Variants in SWT1 observed in about 807,000 individuals in gnomAD.
SWT1 encodes the protein SWT1 RNA endoribonuclease homolog.
A neutral mutation model predicts 107.3 loss-of-function variants in SWT1; 33 were observed. That is an observed-to-expected ratio of 0.31 (90% CI 0.23 to 0.41). The LOEUF is 0.41. Among genes scored for constraint, SWT1 ranks in the 10% least tolerant of loss-of-function variants. SWT1 has a pLI of 1.00. For missense variants in SWT1, 898 were observed against 1,028.9 expected (o/e 0.87, Z 1.74); for synonymous variants, 345 against 348.3 (o/e 0.99, Z 0.11).
At chr1:185,278,202 A>G (rs769844850) in intron 18 of SWT1, among the ~76,000 whole-genome samples, 13 of 152,218 alleles carry the variant, frequency 8.5e-5, no homozygotes, top group Non-Finnish European at 1.8e-4. Flanking sequence ...GTACCCTCCA[A>G]ACTTATACAT....
intron 10 of SWT1, among the ~76,000 whole-genome samples, chr1:185,195,578 T>C (rs1335967608): frequency 6.6e-6 from 1 of 152,206 alleles, no homozygotes; most frequent in Non-Finnish European, 1.5e-5. Flanking sequence ...CGCCACACTG[T>C]CTTCCACAGT....
chr1:185,180,383 C>T lies in SWT1; in HGVS notation c.967-8C>T. On this transcript the variant is annotated splice_region_variant and splice_polypyrimidine_tract_variant and intron_variant, in intron 5 of 18. Coordinates refer to ENST00000367500, the MANE Select transcript of SWT1 (RefSeq NM_017673.7). ...TATTCTTAGCTAATGAAATTACTTTCATTTCAGAGTTTTGAAGCACCATGT... is the reference window on the plus strand; with the variant it reads ...TATTCTTAGCTAATGAAATTACTTTTATTTCAGAGTTTTGAAGCACCATGT... 1 of 1,609,894 alleles carries T rather than the reference C, an allele frequency of 6.2e-7. No individual in the cohort carries two copies. Among genetic ancestry groups the T allele is most frequent in the East Asian group, 2.2e-5 (1 of 44,854 alleles).
chr1:185,233,351 T>C (rs555732837), intron 16 of SWT1, among the ~76,000 whole-genome samples: 41 of 152,360 alleles, frequency 2.7e-4, no homozygotes, highest in African/African-American at 9.1e-4. Flanking sequence ...AGCTTTTGAA[T>C]TTGTTTGCTC....
At chr1:185,172,082 T>A (rs1655123211) in intron 4 of SWT1, among the ~76,000 whole-genome samples, 1 of 152,236 alleles carries the variant, frequency 6.6e-6, no homozygotes, top group African/African-American at 2.4e-5. Context: ...AAAGACTCTA[T>A]CTGCTGTGTC....
At chr1:185,230,469 C>G (rs1660431567) in intron 15 of SWT1, among the ~76,000 whole-genome samples, 1 of 152,082 alleles carries the variant, frequency 6.6e-6, no homozygotes, top group Non-Finnish European at 1.5e-5. Context: ...CTGCCTTTTT[C>G]TTCACATGGA....
chr1:185,231,468 G>C, intron 15 of SWT1, 109 bp from the exon 16 acceptor site: 1 of 793,538 alleles, frequency 1.3e-6, no homozygotes, highest in Non-Finnish European at 2.1e-6. Context: ...CATTCTGAGA[G>C]ATTAGTGATA....
chr1:185,277,812 A>T lies in SWT1; in HGVS notation c.2573+1144A>T, dbSNP rs1309780549. 3.3e-5 allele frequency among the ~76,000 whole-genome samples: 5 copies of T among 150,540 alleles called. No individual in the cohort carries two copies. The East Asian group carries it at 5.8e-4, about 18-fold the overall frequency. ...AAGGGATTGTATCTTTATAGTTCTC[A>T]TCTTTTTTTTTTGTGGTTTTACTGT... On this transcript the variant is annotated intron_variant, in intron 18 of 18. Transcript: ENST00000367500.
chr1:185,214,768 C>T, intron 14 of SWT1, 113 bp downstream of exon 14: 3 of 847,140 alleles, frequency 3.5e-6, no homozygotes, highest in Non-Finnish European at 5.3e-6. Flanking sequence ...TTCTAACATA[C>T]TAAAGGCGTT....
chr1:185,157,086 C>T, upstream of SWT1: 1 of 212,368 alleles, frequency 4.7e-6, no homozygotes, highest in Non-Finnish European at 9.5e-6. Context: ...ACCCAGGATA[C>T]ACTGCGCAGT....
intron 15 of SWT1, among the ~76,000 whole-genome samples, chr1:185,230,168 C>T (rs1476279380): frequency 6.6e-6 from 1 of 152,224 alleles, no homozygotes; most frequent in East Asian, 1.9e-4. Flanking sequence ...TTGAGTGCTG[C>T]TGCCTAAAGT....
At chr1:185,212,669 GGT>G (rs1452148350) in intron 13 of SWT1, among the ~76,000 whole-genome samples, 1 of 152,074 alleles carries the variant, frequency 6.6e-6, no homozygotes, top group Admixed American at 6.6e-5. Context: ...TGGGCGTGGT[GGT>G]GGGTGCCTAT....
rs898919004 is a variant in SWT1, at chr1:185,269,585, AT to A, written c.2442-1736del. Among the ~76,000 whole-genome samples, 10 of 152,168 alleles carry A rather than the reference AT, an allele frequency of 6.6e-5. 1 individual carries two copies. The highest frequency in any genetic ancestry group is 2.2e-4 in the African/African-American group (9 of 41,440). ...AAAGGCCAAATAGTCTAAGGATGTA[AT>A]TAAGATTATTGAGAACAGTTAATTA... On this transcript the variant is annotated intron_variant, in intron 16 of 18. Transcript: ENST00000367500.
intron 16 of SWT1, among the ~76,000 whole-genome samples, chr1:185,241,147 G>A (rs1286310095): frequency 6.6e-6 from 1 of 152,100 alleles, no homozygotes; most frequent in Non-Finnish European, 1.5e-5. Flanking sequence ...TAAACTAGTT[G>A]TTGAAACTAA....
chr1:185,173,291 AAATTTT>A, intron 4 of SWT1, among the ~76,000 whole-genome samples: 1 of 152,080 alleles, frequency 6.6e-6, no homozygotes, highest in African/African-American at 2.4e-5. Flanking sequence ...CTAGTTCTTT[AAATTTT>A]TATTAATTTT....
intron 15 of SWT1, chr1:185,226,756 A>G (rs1571555934): frequency 3.3e-6 from 2 of 607,960 alleles, no homozygotes; most frequent in East Asian, 3.1e-5. Context: ...TTTGCTGTCC[A>G]TAAGTTTATT....
At chr1:185,239,642 T>A (rs980125949) in intron 16 of SWT1, among the ~76,000 whole-genome samples, 1 of 152,098 alleles carries the variant, frequency 6.6e-6, no homozygotes, top group Non-Finnish European at 1.5e-5. Flanking sequence ...CAGGATTAAT[T>A]TGAGCACTTT....
chr1:185,233,957 G>A (rs1370321327), intron 16 of SWT1, among the ~76,000 whole-genome samples: 1 of 152,114 alleles, frequency 6.6e-6, no homozygotes, highest in African/African-American at 2.4e-5. Context: ...TGTTAGCAAG[G>A]ATGGTCTCGA....
At chr1:185,290,072 G>A (rs527867575) in intron 18 of SWT1, among the ~76,000 whole-genome samples, 23 of 152,106 alleles carry the variant, frequency 1.5e-4, no homozygotes, top group African/African-American at 5.3e-4. Context: ...AGACCAGACA[G>A]GGCAACATAG....
chr1:185,161,078 G>A (rs1040043794), intron 2 of SWT1, among the ~76,000 whole-genome samples, 153 bp downstream of exon 2: 3 of 152,110 alleles, frequency 2.0e-5, no homozygotes, highest in African/African-American at 4.8e-5. Flanking sequence ...TTTTTTACTT[G>A]CATTGTTTTA....
Sources: gnomAD v4.1 joint callset for allele counts (sites outside exome capture counted in the v4.1 genomes callset) on GRCh38, gnomAD v4.1.1 for gene constraint, MANE v1.5 for transcripts, NCBI Gene and HGNC (gene_info 2026-07-23, HGNC 2026-07-21) for gene names.